The following PLCB1 variants were observed in gnomAD, a reference collection of about 807,000 sequenced individuals.
PLCB1 encodes 1-phosphatidylinositol 4,5-bisphosphate phosphodiesterase beta-1.
A neutral mutation model predicts 161.8 loss-of-function variants in PLCB1; 46 were observed. The observed-to-expected ratio is 0.28, with a 90% CI of 0.22 to 0.36. The LOEUF is 0.36. Among genes scored for constraint, PLCB1 ranks in the 10% least tolerant of loss-of-function variants. PLCB1 has a pLI of 1.00. For synonymous variants in PLCB1, 517 were observed against 503.7 expected (o/e 1.03, Z -0.35); for missense variants, 1,016 against 1,472.5 (o/e 0.69, Z 5.07).
chr20:8,454,958 T>A (rs1226091551), intron 3 of PLCB1, among the ~76,000 whole-genome samples: 2 of 152,054 alleles, frequency 1.3e-5, no homozygotes, highest in South Asian at 2.1e-4. Context: ...AGGTGATCCA[T>A]ATTTCTTGAA....
At chr20:8,820,105 TG>T (rs1359923966) in intron 31 of PLCB1, among the ~76,000 whole-genome samples, 1 of 146,092 alleles carries the variant, frequency 6.8e-6, no homozygotes, top group Non-Finnish European at 1.5e-5. Context: ...GTTTTATTTA[TG>T]TTTTTTTTTT....
chr20:8,200,801 G>A (rs1459867300), intron 2 of PLCB1, among the ~76,000 whole-genome samples: 4 of 151,890 alleles, frequency 2.6e-5, no homozygotes, highest in South Asian at 4.2e-4. Context: ...ATCTGGATCC[G>A]TGTATTTTCT....
chr20:8,238,865 CT>C (rs1555792218), intron 2 of PLCB1, among the ~76,000 whole-genome samples: 16 of 149,932 alleles, frequency 1.1e-4, no homozygotes, highest in African/African-American at 3.4e-4. Flanking sequence ...AAATGGGTGG[CT>C]GGGGGGAAGA....
Position 8,314,536 on chromosome 20 carries a change from G to A in PLCB1, c.178-56846G>A, listed in dbSNP as rs115997562. Among the ~76,000 whole-genome samples the A allele has an allele frequency of 7.8e-3, 1,190 of 152,290 alleles. 19 individuals are homozygous for A. Among genetic ancestry groups the A allele is most frequent in the African/African-American group, 0.027 (1,129 of 41,550 alleles). ...TTACTATCACTGTGACTTTAGGCAA[G>A]CTATATAACCTTTGTCTGCCTCAGT... On this transcript the variant is annotated intron_variant, in intron 2 of 31. Coordinates refer to ENST00000338037, the MANE Select transcript of PLCB1 (RefSeq NM_015192.4).
At chr20:8,741,440 C>G (rs1489339429) in intron 22 of PLCB1, 24 bp from the exon 23 acceptor site, 1 of 1,517,370 alleles carries the variant, frequency 6.6e-7, no homozygotes, top group Non-Finnish European at 9.1e-7. Context: ...GACCTTTGAT[C>G]TAAAATATCT....
intron 3 of PLCB1, among the ~76,000 whole-genome samples, chr20:8,541,479 T>A (rs924110952): frequency 6.6e-6 from 1 of 151,802 alleles, no homozygotes; most frequent in Non-Finnish European, 1.5e-5. Flanking sequence ...CTGCATTGGT[T>A]CTCCAAATCT....
chr20:8,353,782 T>C (rs1468000955), intron 2 of PLCB1, among the ~76,000 whole-genome samples: 2 of 152,074 alleles, frequency 1.3e-5, no homozygotes, highest in Non-Finnish European at 2.9e-5. Flanking sequence ...AAATGCAGTA[T>C]GGTGTCGTGA....
rs528972252 is a variant in PLCB1, at chr20:8,784,996, A to G, written c.3112-3453A>G. On this transcript the variant is annotated intron_variant, in intron 27 of 31. Coordinates refer to ENST00000338037, the MANE Select transcript of PLCB1 (RefSeq NM_015192.4). ...TTGTCTAGAGCCTGGGATTCTAAAC[A>G]TTTATTAAGAATGGAAGGTTGAAAT... Among the ~76,000 whole-genome samples, 4 of 152,266 alleles carry G rather than the reference A, an allele frequency of 2.6e-5. No homozygotes were observed. The South Asian group carries it at 8.3e-4, about 32-fold the overall frequency.
chr20:8,724,622 C>G (rs373765180), intron 15 of PLCB1, 34 bp from the exon 16 acceptor site: 36 of 1,183,328 alleles, frequency 3.0e-5, no homozygotes, highest in Non-Finnish European at 4.4e-5. Flanking sequence ...AATGCTGACT[C>G]TGGAAATGTT....
At chr20:8,773,071 A>C (rs959760274) in intron 26 of PLCB1, among the ~76,000 whole-genome samples, 2 of 152,050 alleles carry the variant, frequency 1.3e-5, no homozygotes, top group African/African-American at 4.8e-5. Flanking sequence ...AAATGCAAAA[A>C]GAAACTTGAG....
intron 3 of PLCB1, among the ~76,000 whole-genome samples, chr20:8,468,566 C>T (rs1297570955): frequency 6.6e-6 from 1 of 152,160 alleles, no homozygotes; most frequent in Non-Finnish European, 1.5e-5. Flanking sequence ...ATACCTGCCA[C>T]AATACATGCA....
At chr20:8,751,102 A>ATT (rs368948762) in intron 23 of PLCB1, 3,574 of 186,530 alleles carry the variant, frequency 0.019, 32 homozygotes, top group African/African-American at 0.039. Flanking sequence ...AGCCCGGCTA[A>ATT]TTTTTTTTTT....
chr20:8,472,644 G>T (rs1354971513), intron 3 of PLCB1, among the ~76,000 whole-genome samples: 1 of 151,816 alleles, frequency 6.6e-6, no homozygotes, highest in Non-Finnish European at 1.5e-5. Flanking sequence ...AGGAGTTCAA[G>T]GCCAACCTGG....
chr20:8,547,886 G>T (rs777579353), intron 3 of PLCB1, among the ~76,000 whole-genome samples: 6 of 152,148 alleles, frequency 3.9e-5, no homozygotes, highest in Non-Finnish European at 7.4e-5. Flanking sequence ...CACTTCTACA[G>T]ACCATTTGTT....
At chr20:8,570,891 C>T (rs1392573813) in intron 3 of PLCB1, among the ~76,000 whole-genome samples, 4 of 152,110 alleles carry the variant, frequency 2.6e-5, no homozygotes, top group Non-Finnish European at 5.9e-5. Flanking sequence ...AAGAGCCATC[C>T]AGGCAAAGAT....
intron 3 of PLCB1, among the ~76,000 whole-genome samples, chr20:8,455,509 C>T (rs1480244642): frequency 2.9e-5 from 4 of 135,872 alleles, no homozygotes; most frequent in Admixed American, 8.2e-5. Context: ...CTTGCAATCT[C>T]GGCTCACTGC....
chr20:8,607,736 A>G (rs990235062), intron 3 of PLCB1, among the ~76,000 whole-genome samples: 2 of 152,204 alleles, frequency 1.3e-5, no homozygotes, highest in African/African-American at 4.8e-5. Flanking sequence ...ACCTGTAAGC[A>G]TTATATGCAT....
At chr20:8,216,868 C>G (rs1328907567) in intron 2 of PLCB1, among the ~76,000 whole-genome samples, 1 of 152,132 alleles carries the variant, frequency 6.6e-6, no homozygotes, top group Non-Finnish European at 1.5e-5. Flanking sequence ...ATTCAGAACC[C>G]TGGGCAAACC....
intron 3 of PLCB1, among the ~76,000 whole-genome samples, chr20:8,602,198 T>TA: frequency 6.6e-6 from 1 of 152,152 alleles, no homozygotes. Context: ...AAGAAGAGTA[T>TA]ATGACACCAA....
Sources: allele counts gnomAD v4.1 joint callset (sites outside exome capture counted in the v4.1 genomes callset), GRCh38; gene constraint gnomAD v4.1.1; transcripts MANE v1.5; gene names NCBI Gene and HGNC (gene_info 2026-07-23, HGNC 2026-07-21).